Variants in PRSS3 observed in about 807,000 individuals in gnomAD.
PRSS3 encodes serine protease 3, also known as trypsin-3.
Under a neutral mutation model 20.8 loss-of-function variants are expected in PRSS3, and 14 were observed. That is an observed-to-expected ratio of 0.67 (90% confidence interval 0.44 to 1.05). The LOEUF (loss-of-function observed/expected upper bound fraction) is 1.05, where lower values mean the gene tolerates loss of function less well. Ranked by LOEUF, PRSS3 falls within the 50% of genes least tolerant of loss-of-function variation. The pLI is 0.00. For missense variants in PRSS3, 237 were observed against 306.4 expected (o/e 0.77, Z 1.69); for synonymous variants, 91 against 117.6 (o/e 0.77, Z 1.46).
chr9:33,751,636 C>T (rs1822703097), intron 1 of PRSS3, among the ~76,000 whole-genome samples: 1 of 152,228 alleles, frequency 6.6e-6, no homozygotes, highest in Admixed American at 6.5e-5. Flanking sequence ...TCCTCCCGCA[C>T]CTTTTTGTCT....
rs1218925958 is a variant in PRSS3 at position 33,788,877 on chromosome 9, T to C, written c.-52-5869T>C. 2.0e-5 allele frequency among the ~76,000 whole-genome samples: 3 copies of C among 152,172 alleles called. No individual in the cohort carries two copies. In the East Asian group the frequency reaches 5.8e-4, roughly 29 times the overall value. On this transcript the variant is annotated intron_variant, in intron 1 of 5. Transcript: ENST00000342836. Reference sequence around the variant, plus strand: ...TTGCTTCTCTATGCTACAATCTGGGTAATTTCTTTAAAACTACTGTTTAGT... The same window carrying C: ...TTGCTTCTCTATGCTACAATCTGGGCAATTTCTTTAAAACTACTGTTTAGT...
At chr9:33,782,377 G>A (rs1971430) in intron 1 of PRSS3, among the ~76,000 whole-genome samples, 57,951 of 151,940 alleles carry the variant, frequency 0.38, 11,140 homozygotes, top group Middle Eastern at 0.48. Context: ...CTACCTGGGT[G>A]CAATATACCC....
intron 1 of PRSS3, among the ~76,000 whole-genome samples, chr9:33,756,944 T>G (rs1162463873): frequency 6.6e-6 from 1 of 152,246 alleles, no homozygotes; most frequent in Non-Finnish European, 1.5e-5. Context: ...GGTTTGTAAG[T>G]TGGCTGGCTT....
At chr9:33,773,955 A>G (rs1823812936) in intron 1 of PRSS3, among the ~76,000 whole-genome samples, 1 of 152,088 alleles carries the variant, frequency 6.6e-6, no homozygotes, top group Admixed American at 6.5e-5. Flanking sequence ...GCATTATCTG[A>G]TATTTGTTTT....
chr9:33,755,799 T>C (rs1822915372), intron 1 of PRSS3, among the ~76,000 whole-genome samples: 1 of 152,138 alleles, frequency 6.6e-6, no homozygotes. Context: ...GTGCTACTAA[T>C]TGCATGGAGC....
chr9:33,795,459 G>A, upstream of PRSS3: 1 of 1,426,174 alleles, frequency 7.0e-7, no homozygotes, highest in Non-Finnish European at 9.9e-7. Context: ...GAAAGCTGCA[G>A]GTGTGTTTGT....
intron 1 of PRSS3, among the ~76,000 whole-genome samples, chr9:33,780,293 A>G (rs1824128295): frequency 6.6e-6 from 1 of 152,258 alleles, no homozygotes; most frequent in Admixed American, 6.5e-5. Flanking sequence ...TTAACTAAAA[A>G]TGTTATATCC....
intron 1 of PRSS3, among the ~76,000 whole-genome samples, chr9:33,765,413 T>A (rs556371930): frequency 0.011 from 1,721 of 152,358 alleles, 10 homozygotes; most frequent in South Asian, 0.042. Flanking sequence ...CTTAGCAACC[T>A]CAGCATACTA....
intron 1 of PRSS3, among the ~76,000 whole-genome samples, chr9:33,767,586 G>A (rs1823492713): frequency 1.3e-5 from 2 of 152,284 alleles, no homozygotes; most frequent in Admixed American, 6.5e-5. Context: ...CACTTTGGGA[G>A]GCCAAGGCGG....
At chr9:33,765,626 G>T (rs1435230657) in intron 1 of PRSS3, among the ~76,000 whole-genome samples, 8 of 152,354 alleles carry the variant, frequency 5.3e-5, no homozygotes, top group Non-Finnish European at 1.0e-4. Context: ...GTGACTAATG[G>T]TTATGCTGGA....
intron 1 of PRSS3, among the ~76,000 whole-genome samples, chr9:33,766,325 G>A (rs911973674): frequency 6.8e-6 from 1 of 146,158 alleles, no homozygotes; most frequent in African/African-American, 2.6e-5. Flanking sequence ...TGTAATCCCA[G>A]CACTTTGGGA....
chr9:33,796,755 C>T lies in PRSS3; in HGVS notation c.153C>T (p.Ser51=), dbSNP rs141275255. ...LNSGSHFCGG[S]LISEQWVVSA... ...CTGGCTCCCACTTCTGCGGTGGCTC[C>T]CTCATCAGCGAACAGTGGGTGGTAT... The change falls in exon 2 of 5, where the codon TCC becomes TCT. Residue 51 remains serine (S), a synonymous_variant. Coordinates refer to ENST00000379405, the MANE Select transcript of PRSS3 (RefSeq NM_002771.4). 1.2e-5 allele frequency: 19 copies of T among 1,613,912 alleles called. No individual in the cohort carries two copies. The highest frequency in any genetic ancestry group is 1.6e-5 in the Non-Finnish European group (19 of 1,179,886).
upstream of PRSS3, chr9:33,794,631 A>G (rs115577440): frequency 1.9e-3 from 2,444 of 1,298,052 alleles, 27 homozygotes; most frequent in African/African-American, 0.029. Context: ...CTCAGATCAG[A>G]TGGTAACCCA....
intron 1 of PRSS3, among the ~76,000 whole-genome samples, chr9:33,754,600 C>T (rs562058125): frequency 5.9e-5 from 9 of 151,708 alleles, no homozygotes; most frequent in Non-Finnish European, 1.0e-4. Context: ...GAGGTCAAGG[C>T]GGGTGGATCA....
At chr9:33,782,923 G>A (rs551071896) in intron 1 of PRSS3, among the ~76,000 whole-genome samples, 6 of 152,252 alleles carry the variant, frequency 3.9e-5, no homozygotes, top group African/African-American at 1.4e-4. Context: ...AAAGCAGAAT[G>A]TTTACAGAAA....
At chr9:33,792,024 G>A (rs12000144), upstream of PRSS3, among the ~76,000 whole-genome samples, 4,723 of 152,116 alleles carry the variant, frequency 0.031, 251 homozygotes, top group African/African-American at 0.11. Context: ...CATGCTCTGC[G>A]ACTCCATATT....
At chr9:33,765,583 A>G (rs1382224109) in intron 1 of PRSS3, among the ~76,000 whole-genome samples, 1 of 152,254 alleles carries the variant, frequency 6.6e-6, no homozygotes, top group Non-Finnish European at 1.5e-5. Context: ...TGATACCATG[A>G]CAGTCAACCT....
At chr9:33,796,140 T>C (rs1371861511) in intron 1 of PRSS3, among the ~76,000 whole-genome samples, 1 of 152,200 alleles carries the variant, frequency 6.6e-6, no homozygotes, top group Non-Finnish European at 1.5e-5. Context: ...AGTCTACCTT[T>C]GTTATGCCAA....
chr9:33,753,709 G>A (rs1822799506), intron 1 of PRSS3, among the ~76,000 whole-genome samples: 1 of 152,188 alleles, frequency 6.6e-6, no homozygotes, highest in Non-Finnish European at 1.5e-5. Context: ...CCCATAGCAG[G>A]CATACATAAA....
Sources: gnomAD v4.1 joint callset for allele counts (sites outside exome capture counted in the v4.1 genomes callset) on GRCh38, gnomAD v4.1.1 for gene constraint, MANE v1.5 for transcripts, NCBI Gene and HGNC (gene_info 2026-07-23, HGNC 2026-07-21) for gene names.